The following EXT2 variants were observed in gnomAD, a reference collection of about 807,000 sequenced individuals.
The protein encoded by EXT2 is exostosin-2.
Under a neutral mutation model 81.6 loss-of-function variants are expected in EXT2, and 53 were observed. That is an observed-to-expected ratio of 0.65 (90% CI 0.52 to 0.82). The LOEUF (loss-of-function observed/expected upper bound fraction) is 0.82, where lower values mean the gene tolerates loss of function less well. Ranked by LOEUF, EXT2 falls within the 40% of genes least tolerant of loss-of-function variation. The probability of loss-of-function intolerance (pLI) is 0.00; values close to 1 mark genes in which losing one functional copy is unlikely to be tolerated. For synonymous variants in EXT2, 320 were observed against 340.0 expected, an observed-to-expected ratio of 0.94 and a Z score of 0.65; for missense variants, 774 against 910.2, an observed-to-expected ratio of 0.85 and a Z score of 1.93.
chr11:44,203,203 C>G (rs914064780), intron 9 of EXT2, among the ~76,000 whole-genome samples: 1 of 152,184 alleles, frequency 6.6e-6, no homozygotes, highest in African/African-American at 2.4e-5. Context: ...AGTCAAGGTT[C>G]ATTCTGGAGA....
chr11:44,228,665 A>G (rs1175157879), intron 10 of EXT2, among the ~76,000 whole-genome samples: 1 of 152,218 alleles, frequency 6.6e-6, no homozygotes, highest in Non-Finnish European at 1.5e-5. Context: ...AGCGCTCACT[A>G]TAAAGGCTCC....
intron 4 of EXT2, among the ~76,000 whole-genome samples, chr11:44,122,205 C>G (rs1954328234): frequency 6.6e-6 from 1 of 152,148 alleles, no homozygotes; most frequent in Non-Finnish European, 1.5e-5. Flanking sequence ...GACCATTTAG[C>G]TCTTAACTTG....
chr11:44,246,884 T>C lies in EXT2; in HGVS notation c.*2597T>C, dbSNP rs1956098758. On this transcript the variant is annotated 3_prime_UTR_variant, in exon 14 of 14. Coordinates refer to ENST00000533608, the MANE Select transcript of EXT2 (RefSeq NM_207122.2). Reference sequence around the variant, plus strand: ...AATCATGCTAATTAAAATGTCGTGTTCTGGCCTACAGCAGACAACAGCTGG... The same window carrying C: ...AATCATGCTAATTAAAATGTCGTGTCCTGGCCTACAGCAGACAACAGCTGG... 6.6e-6 allele frequency among the ~76,000 whole-genome samples: 1 copy of C among 152,224 alleles called. No homozygotes were observed. Among genetic ancestry groups the C allele is most frequent in the South Asian group, 2.1e-4 (1 of 4,834 alleles).
chr11:44,193,182 C>G (rs1368821886), intron 8 of EXT2, among the ~76,000 whole-genome samples: 1 of 152,146 alleles, frequency 6.6e-6, no homozygotes, highest in Non-Finnish European at 1.5e-5. Context: ...AAACCAGGAC[C>G]TTGAAACATG....
intron 7 of EXT2, among the ~76,000 whole-genome samples, chr11:44,143,150 C>G (rs1460430761): frequency 1.3e-5 from 2 of 152,148 alleles, no homozygotes; most frequent in African/African-American, 4.8e-5. Flanking sequence ...CAGGGTTTCA[C>G]TATGTTGACC....
chr11:44,204,508 C>A (rs1337160311), intron 9 of EXT2, among the ~76,000 whole-genome samples: 2 of 152,146 alleles, frequency 1.3e-5, no homozygotes, highest in African/African-American at 4.8e-5. Flanking sequence ...AGGGCTATAA[C>A]CTCCTTCATT....
chr11:44,154,851 T>G (rs7126424), intron 7 of EXT2, among the ~76,000 whole-genome samples: 37,903 of 152,054 alleles, frequency 0.25, 4,884 homozygotes, highest in Non-Finnish European at 0.28. Context: ...GAGGAGATGA[T>G]ATCTTATTAG....
chr11:44,115,991 CTTATT>C (rs1280236716), intron 4 of EXT2: 3 of 152,152 alleles, frequency 2.0e-5, no homozygotes, highest in Admixed American at 1.3e-4. Context: ...CCAGAGTTGA[CTTATT>C]TTATTTTATG....
At chr11:44,097,600 C>A (rs1953916732) in intron 1 of EXT2, among the ~76,000 whole-genome samples, 1 of 151,834 alleles carries the variant, frequency 6.6e-6, no homozygotes, top group African/African-American at 2.4e-5. Flanking sequence ...GACCAGCTGG[C>A]CAACATGATG....
At chr11:44,144,230 T>C (rs927500509) in intron 7 of EXT2, 1 of 1,591,632 alleles carries the variant, frequency 6.3e-7, no homozygotes, top group South Asian at 1.1e-5. Context: ...ATTAAAGGTT[T>C]CCAATTCACC....
chr11:44,202,119 G>A (rs1483409310), intron 9 of EXT2, among the ~76,000 whole-genome samples: 1 of 152,158 alleles, frequency 6.6e-6, no homozygotes, highest in Admixed American at 6.5e-5. Flanking sequence ...AAGTAACCAT[G>A]TATCTTAAAA....
At chr11:44,096,444 G>A (rs1590533311) in intron 1 of EXT2, 2 of 1,034,136 alleles carry the variant, frequency 1.9e-6, no homozygotes, top group Non-Finnish European at 2.8e-6. Context: ...CTGGGTGGCC[G>A]GGGTCATGTT....
Position 44,113,663 on chromosome 11 carries a change from G to A in EXT2, c.627-522G>A, listed in dbSNP as rs561218086. Among the ~76,000 whole-genome samples the A allele has an allele frequency of 2.0e-5, 3 of 152,260 alleles. No homozygotes were observed. The East Asian group carries it at 5.8e-4, about 29-fold the overall frequency. ...TGACATGTAACTCTGAGATGATGGT[G>A]GAAAGAACTGCTTGAGGCAGGGATT... On this transcript the variant is annotated intron_variant, in intron 3 of 13. Coordinates refer to ENST00000533608, the MANE Select transcript of EXT2 (RefSeq NM_207122.2).
chr11:44,144,053 G>A (rs750209278), intron 7 of EXT2, among the ~76,000 whole-genome samples: 3 of 152,202 alleles, frequency 2.0e-5, no homozygotes, highest in Non-Finnish European at 4.4e-5. Context: ...GTGCCTGGTT[G>A]GAGTGAGGCT....
At chr11:44,167,285 G>T (rs1955008150) in intron 7 of EXT2, among the ~76,000 whole-genome samples, 1 of 152,198 alleles carries the variant, frequency 6.6e-6, no homozygotes, top group Non-Finnish European at 1.5e-5. Flanking sequence ...AGGTACACAT[G>T]ATCAGAGCAA....
intron 8 of EXT2, among the ~76,000 whole-genome samples, chr11:44,188,272 T>C (rs1955344023): frequency 6.6e-6 from 1 of 152,186 alleles, no homozygotes; most frequent in African/African-American, 2.4e-5. Context: ...TTTGACCTGG[T>C]AACTCTGTGA....
Position 44,232,304 on chromosome 11 carries a change from G to A in EXT2, c.1663-49G>A, listed in dbSNP as rs373646167. ...CTGTTTGGATAACTCAGCACTGAAT[G>A]GTTGCTGTCTGAATTGGGACTTGAT... On this transcript the variant is annotated intron_variant, in intron 10 of 13. Coordinates refer to ENST00000533608, the MANE Select transcript of EXT2 (RefSeq NM_207122.2). 39 of 1,611,330 alleles carry A rather than the reference G, an allele frequency of 2.4e-5. No homozygotes were observed. The Middle Eastern group carries it at 1.8e-3, about 74-fold the overall frequency.
At chr11:44,136,656 G>A (rs1241873866) in intron 7 of EXT2, among the ~76,000 whole-genome samples, 3 of 152,096 alleles carry the variant, frequency 2.0e-5, no homozygotes, top group African/African-American at 4.8e-5. Context: ...ACCCTGCACC[G>A]CCACTGTGAA....
At chr11:44,217,550 T>C (rs573471634) in intron 10 of EXT2, among the ~76,000 whole-genome samples, 1 of 152,342 alleles carries the variant, frequency 6.6e-6, no homozygotes, top group African/African-American at 2.4e-5. Context: ...ATGTGGAAAT[T>C]CTTTTCAGCC....
Sources: allele counts gnomAD v4.1 joint callset (sites outside exome capture counted in the v4.1 genomes callset), GRCh38; gene constraint gnomAD v4.1.1; transcripts MANE v1.5; gene names NCBI Gene and HGNC (gene_info 2026-07-23, HGNC 2026-07-21).